Variants in PANK1 observed in about 807,000 individuals in gnomAD.
PANK1 encodes pantothenate kinase 1.
Under a neutral mutation model 40.1 loss-of-function variants are expected in PANK1, and 18 were observed. The ratio of observed to expected loss-of-function variants is 0.45; its 90% confidence interval spans 0.31 to 0.67. The LOEUF is 0.67. Among genes scored for constraint, PANK1 ranks in the 30% least tolerant of loss-of-function variants. The pLI, the probability that PANK1 is intolerant of heterozygous loss-of-function variation, is 0.06. For missense variants in PANK1, 457 were observed against 599.6 expected, an observed-to-expected ratio of 0.76 and a Z score of 2.48; for synonymous variants, 242 against 237.7, an observed-to-expected ratio of 1.02 and a Z score of -0.17.
In PANK1 at chr10:89,614,619, G is replaced by A. The variant is rs185155429; in HGVS notation, c.293-2571C>T. On this transcript the variant is annotated intron_variant, in intron 1 of 6. Coordinates refer to ENST00000307534, the MANE Select transcript of PANK1 (RefSeq NM_148977.3). ...TTGAGACCAGCCTGGGCAACATGACGAAACCCCATCTCTACCAAAATACAA... is the reference window on the plus strand; with the variant it reads ...TTGAGACCAGCCTGGGCAACATGACAAAACCCCATCTCTACCAAAATACAA... Among the ~76,000 whole-genome samples the A allele has an allele frequency of 4.3e-3, 654 of 152,092 alleles. 4 individuals are homozygous for A. The highest frequency in any genetic ancestry group is 6.9e-3 in the Non-Finnish European group (468 of 67,994).
Position 89,584,245 on chromosome 10 carries a change from G to A in PANK1, c.*161C>T. 1 of 590,736 alleles carries A rather than the reference G, an allele frequency of 1.7e-6. No individual in the cohort carries two copies. The highest frequency in any genetic ancestry group is 3.1e-6 in the Non-Finnish European group (1 of 323,272). The allele number at this position is 590,736 out of a possible 1,614,324, so 36.6% of individuals were successfully genotyped here. ...TTTGAATCATTAGCTCAAAACCTAA[G>A]AGTAAAAGATCATCTGGAAGGATTT... On this transcript the variant is annotated 3_prime_UTR_variant, in exon 7 of 7. Coordinates refer to ENST00000307534, the MANE Select transcript of PANK1 (RefSeq NM_148977.3).
intron 1 of PANK1, among the ~76,000 whole-genome samples, chr10:89,616,906 G>A (rs1372311142): frequency 2.0e-5 from 3 of 150,114 alleles, no homozygotes; most frequent in African/African-American, 7.6e-5. Context: ...GGGGGACACA[G>A]TGAGACTCCA....
In PANK1 at chr10:89,611,811, C is replaced by T. The variant is rs1212414379; in HGVS notation, c.530G>A (p.Ser177Asn). Reference protein sequence around the residue: ...KGNLHFIRFPSCAMHRFIQMG... With the variant: ...KGNLHFIRFPNCAMHRFIQMG... Reference sequence around the variant, plus strand: ...CTGAATGAACCTGTGCATAGCACAGCTGGGAAAGCGGATGAAGTGCAGGTT... The same window carrying T: ...CTGAATGAACCTGTGCATAGCACAGTTGGGAAAGCGGATGAAGTGCAGGTT... Residue 177 changes from serine to asparagine, a missense_variant, in exon 2 of 7, where the codon AGC becomes AAC. By Grantham distance (46) the Ser-to-Asn change is conservative. Transcript: ENST00000307534. 1.1e-5 allele frequency: 18 copies of T among 1,614,062 alleles called. No individual in the cohort carries two copies. Among genetic ancestry groups the T allele is most frequent in the Admixed American group, 1.7e-5 (1 of 59,998 alleles).
chr10:89,596,224 G>A (rs1313849681), intron 3 of PANK1, among the ~76,000 whole-genome samples: 1 of 152,108 alleles, frequency 6.6e-6, no homozygotes, highest in East Asian at 1.9e-4. Flanking sequence ...TTAGAAAGAT[G>A]TCTTTGCTTC....
chr10:89,598,189 G>C (rs1341834959), intron 3 of PANK1, among the ~76,000 whole-genome samples: 2 of 152,210 alleles, frequency 1.3e-5, no homozygotes, highest in Non-Finnish European at 2.9e-5. Flanking sequence ...GGGGGACACT[G>C]TTAAATCTTC....
chr10:89,588,880 A>G (rs1482521927), intron 5 of PANK1, 103 bp from the exon 6 acceptor site: 2 of 715,098 alleles, frequency 2.8e-6, no homozygotes. Flanking sequence ...TGAAGAGTGA[A>G]TATTCCTTGT....
chr10:89,621,363 T>G (rs955842555), intron 1 of PANK1, among the ~76,000 whole-genome samples: 1 of 152,194 alleles, frequency 6.6e-6, no homozygotes, highest in African/African-American at 2.4e-5. Context: ...CTTTAAAAAT[T>G]TCCTGTCTCT....
chr10:89,591,441 C>G (rs903005471), intron 5 of PANK1, among the ~76,000 whole-genome samples: 2 of 152,168 alleles, frequency 1.3e-5, no homozygotes, highest in Non-Finnish European at 2.9e-5. Flanking sequence ...TCTCAAGAAT[C>G]ACAGCAAAAA....
intron 3 of PANK1, among the ~76,000 whole-genome samples, chr10:89,595,830 AAAAATATATAT>A (rs1167577116): frequency 9.0e-5 from 6 of 66,576 alleles, no homozygotes; most frequent in Non-Finnish European, 1.6e-4. Context: ...AAAAAAAAAA[AAAAATATATAT>A]ATATATATAT....
chr10:89,588,570 A>G lies in PANK1; in HGVS notation c.1326+82T>C, dbSNP rs918108079. 2.5e-5 allele frequency: 27 copies of G among 1,090,968 alleles called. No homozygotes were observed. The African/African-American group carries it at 3.6e-4, about 14-fold the overall frequency. 67.6% of individuals were successfully genotyped at this position (1,090,968 alleles called of 1,614,324 possible). On this transcript the variant is annotated intron_variant, in intron 6 of 6. Transcript: ENST00000307534. The stretch of plus-strand genomic sequence containing the variant: ...CAACTTTTCTACTTGACCAATTTAA[A>G]AAGCTAAGAGACCTGCTGATATGTT...
intron 1 of PANK1, among the ~76,000 whole-genome samples, chr10:89,632,726 T>C (rs1362827719): frequency 6.6e-6 from 1 of 152,216 alleles, no homozygotes; most frequent in Non-Finnish European, 1.5e-5. Flanking sequence ...ACCTGCTTGG[T>C]CTACCTGCTG....
intron 3 of PANK1, among the ~76,000 whole-genome samples, chr10:89,598,893 AAAG>A (rs1844691299): frequency 6.6e-6 from 1 of 152,194 alleles, no homozygotes; most frequent in African/African-American, 2.4e-5. Context: ...TGAGGGTCCA[AAAG>A]AAGGTTCCTT....
intron 5 of PANK1, among the ~76,000 whole-genome samples, chr10:89,591,159 A>C (rs1359838728): frequency 6.6e-6 from 1 of 152,196 alleles, no homozygotes; most frequent in African/African-American, 2.4e-5. Flanking sequence ...TGCTATATAG[A>C]GTTTGCTACC....
At chr10:89,595,266 C>T (rs1364297263) in intron 3 of PANK1, among the ~76,000 whole-genome samples, 1 of 151,824 alleles carries the variant, frequency 6.6e-6, no homozygotes, top group Admixed American at 6.6e-5. Flanking sequence ...GCCTGGCCAA[C>T]AAGGTGAAAC....
chr10:89,590,524 AC>A (rs1844349821), intron 5 of PANK1, among the ~76,000 whole-genome samples: 4 of 152,160 alleles, frequency 2.6e-5, no homozygotes, highest in Non-Finnish European at 5.9e-5. Flanking sequence ...ATATCCGATG[AC>A]TCAGCAAGTT....
At position 89,645,083 on chromosome 10, in the gene PANK1, G is replaced by A. The variant is rs761808926; in HGVS notation, c.-192C>T. 6 of 1,505,990 alleles carry A rather than the reference G, an allele frequency of 4.0e-6. No homozygotes were observed. In the Admixed American group the frequency reaches 1.2e-4, roughly 31 times the overall value. The allele number at this position is 1,505,990 out of a possible 1,614,324, so 93.3% of individuals were successfully genotyped here. Reference sequence around the variant, plus strand: ...GACTCCCCCACCTCCTCTGCGCCCTGCCCCCCGCGCGCCGGCCCCACGGCG... The same window carrying A: ...GACTCCCCCACCTCCTCTGCGCCCTACCCCCCGCGCGCCGGCCCCACGGCG... On this transcript the variant is annotated 5_prime_UTR_variant, in exon 1 of 7. Transcript: ENST00000307534.
At chr10:89,587,841 G>A (rs1374419663) in intron 6 of PANK1, among the ~76,000 whole-genome samples, 1 of 151,922 alleles carries the variant, frequency 6.6e-6, no homozygotes, top group African/African-American at 2.4e-5. Flanking sequence ...ATATTTATGG[G>A]GTACAAAGTG....
intron 3 of PANK1, among the ~76,000 whole-genome samples, chr10:89,596,873 C>CT (rs35956003): frequency 0.039 from 6,004 of 152,264 alleles, 391 homozygotes; most frequent in East Asian, 0.27. Flanking sequence ...CTGCATTCCT[C>CT]TTTTAACAGA....
At chr10:89,595,125 G>A (rs149511187) in intron 3 of PANK1, among the ~76,000 whole-genome samples, 40 of 152,332 alleles carry the variant, frequency 2.6e-4, no homozygotes, top group African/African-American at 9.6e-4. Context: ...GTACAAAACT[G>A]TAGATAGGTA....
Sources: allele counts gnomAD v4.1 joint callset (sites outside exome capture counted in the v4.1 genomes callset), GRCh38; gene constraint gnomAD v4.1.1; transcripts MANE v1.5; gene names NCBI Gene and HGNC (gene_info 2026-07-23, HGNC 2026-07-21).